Variants in RSU1 observed in about 807,000 individuals in gnomAD.
RSU1 encodes the protein rsu-1.
In RSU1, 26 loss-of-function variants were observed where a neutral mutation model predicts 31.1. The ratio of observed to expected loss-of-function variants is 0.84; its 90% confidence interval spans 0.61 to 1.16. RSU1 has a LOEUF of 1.16. Ranked by LOEUF, RSU1 falls within the 50% of genes most tolerant of loss-of-function variation. The pLI, the probability that RSU1 is intolerant of heterozygous loss-of-function variation, is 0.00. For missense variants in RSU1, 320 were observed against 339.1 expected, an observed-to-expected ratio of 0.94 and a Z score of 0.44; for synonymous variants, 164 against 136.3, an observed-to-expected ratio of 1.20 and a Z score of -1.41.
intron 8 of RSU1, among the ~76,000 whole-genome samples, chr10:16,685,705 T>C (rs574233074): frequency 6.6e-6 from 1 of 152,086 alleles, no homozygotes; most frequent in East Asian, 1.9e-4. Flanking sequence ...TTATGACCCG[T>C]ATTTTGTGCT....
chr10:16,648,665 C>T (rs1257325021), intron 8 of RSU1, among the ~76,000 whole-genome samples: 3 of 152,166 alleles, frequency 2.0e-5, no homozygotes, highest in African/African-American at 7.2e-5. Context: ...ATTCACTATT[C>T]TACTTGAAAG....
chr10:16,630,960 T>C (rs980068739), intron 8 of RSU1, among the ~76,000 whole-genome samples: 1 of 152,218 alleles, frequency 6.6e-6, no homozygotes, highest in South Asian at 2.1e-4. Flanking sequence ...TTGGGTAGAT[T>C]TCACTCAGAT....
At position 16,772,790 on chromosome 10, in the gene RSU1, A is replaced by G. The variant is rs1837449949; in HGVS notation, c.161-8280T>C. ...AATATATATGGATGTATATCTACACATAAGCCTCGATTATTAACATTACAA... is the reference window on the plus strand; with the variant it reads ...AATATATATGGATGTATATCTACACGTAAGCCTCGATTATTAACATTACAA... On this transcript the variant is annotated intron_variant, in intron 3 of 8. Coordinates refer to ENST00000345264, the MANE Select transcript of RSU1 (RefSeq NM_012425.4). 3.9e-5 allele frequency among the ~76,000 whole-genome samples: 6 copies of G among 152,184 alleles called. No individual in the cohort carries two copies. The South Asian group carries it at 1.2e-3, about 31-fold the overall frequency.
rs187471310 is a variant in RSU1 at position 16,663,404 on chromosome 10, C to T, written c.731+31619G>A. Among the ~76,000 whole-genome samples, 237 of 152,282 alleles carry T rather than the reference C, an allele frequency of 1.6e-3. 1 individual carries two copies. The highest frequency in any genetic ancestry group is 5.4e-3 in the African/African-American group (224 of 41,552). On this transcript the variant is annotated intron_variant, in intron 8 of 8. Coordinates refer to ENST00000345264, the MANE Select transcript of RSU1 (RefSeq NM_012425.4). ...ACTATTTAAGGTTGTAATTTGCTTA[C>T]TTGGGAGTCTACTTTCTTCAATTGA... is the stretch of plus-strand genomic sequence containing the variant.
chr10:16,652,765 C>T (rs1834709907), intron 8 of RSU1, among the ~76,000 whole-genome samples: 2 of 152,126 alleles, frequency 1.3e-5, no homozygotes. Flanking sequence ...TCACTGCAGC[C>T]TCAACCTCCA....
chr10:16,796,468 C>T (rs1838035767), intron 2 of RSU1, among the ~76,000 whole-genome samples: 1 of 152,170 alleles, frequency 6.6e-6, no homozygotes, highest in Admixed American at 6.5e-5. Flanking sequence ...CACCCACAAA[C>T]CCTCACCCTC....
intron 2 of RSU1, among the ~76,000 whole-genome samples, chr10:16,792,129 T>C (rs1256225825): frequency 1.3e-5 from 2 of 152,214 alleles, no homozygotes; most frequent in South Asian, 2.1e-4. Context: ...TGAAAGGTTC[T>C]GTAACGTTGG....
At chr10:16,777,627 T>C (rs1281853952) in intron 3 of RSU1, among the ~76,000 whole-genome samples, 1 of 152,204 alleles carries the variant, frequency 6.6e-6, no homozygotes, top group Non-Finnish European at 1.5e-5. Context: ...CAGTGACCTC[T>C]AGTGGACAAG....
At chr10:16,690,572 G>A (rs1236151268) in intron 8 of RSU1, among the ~76,000 whole-genome samples, 2 of 152,156 alleles carry the variant, frequency 1.3e-5, no homozygotes, top group African/African-American at 4.8e-5. Flanking sequence ...TCATCTCCAA[G>A]TATTTTAATT....
intron 7 of RSU1, among the ~76,000 whole-genome samples, chr10:16,730,458 G>A (rs1836485534): frequency 6.6e-6 from 1 of 152,118 alleles, no homozygotes; most frequent in Non-Finnish European, 1.5e-5. Flanking sequence ...CAGTGTCTTG[G>A]ACAACGGTCT....
intron 2 of RSU1, among the ~76,000 whole-genome samples, chr10:16,796,735 G>C (rs776742142): frequency 6.9e-6 from 1 of 143,944 alleles, no homozygotes; most frequent in Non-Finnish European, 1.5e-5. Context: ...TGCAGGAAAC[G>C]TGGAGGCAGC....
At chr10:16,705,252 TA>T (rs944433136) in intron 7 of RSU1, among the ~76,000 whole-genome samples, 2 of 152,198 alleles carry the variant, frequency 1.3e-5, no homozygotes, top group Non-Finnish European at 2.9e-5. Context: ...CATCTCTCAG[TA>T]TCCATGGGGG....
intron 8 of RSU1, among the ~76,000 whole-genome samples, chr10:16,637,746 T>A (rs1327254238): frequency 6.6e-6 from 1 of 151,468 alleles, no homozygotes; most frequent in East Asian, 1.9e-4. Context: ...ACATGACTAG[T>A]AAAGCCACTT....
intron 2 of RSU1, among the ~76,000 whole-genome samples, chr10:16,790,028 T>C (rs1837879389): frequency 6.6e-6 from 1 of 152,056 alleles, no homozygotes; most frequent in African/African-American, 2.4e-5. Context: ...GCAAAATCAA[T>C]GGGAGGGAAG....
rs372365101 is a variant in RSU1, at chr10:16,686,750, CAG to C, written c.731+8271_731+8272del. 2.3e-3 allele frequency among the ~76,000 whole-genome samples: 343 copies of C among 152,236 alleles called. 3 individuals carry two copies. Among genetic ancestry groups the C allele is most frequent in the African/African-American group, 7.8e-3 (326 of 41,542 alleles). On this transcript the variant is annotated intron_variant, in intron 8 of 8. Coordinates refer to ENST00000345264, the MANE Select transcript of RSU1 (RefSeq NM_012425.4). ...TGGAATAGGAGGAGAGAGACACACA[CAG>C]AGAGAGACTGAGATAGTTTTACTCT... is the stretch of plus-strand genomic sequence containing the variant.
chr10:16,781,962 A>C, intron 3 of RSU1, 72 bp downstream of exon 3: 1 of 1,270,954 alleles, frequency 7.9e-7, no homozygotes, highest in Non-Finnish European at 1.1e-6. Flanking sequence ...CCAAGGAAAC[A>C]GTAACAGACT....
chr10:16,797,820 C>T (rs528682382), intron 2 of RSU1, among the ~76,000 whole-genome samples: 1 of 147,666 alleles, frequency 6.8e-6, no homozygotes, highest in African/African-American at 2.5e-5. Context: ...ATACGTAATA[C>T]TTTACAAGAA....
intron 8 of RSU1, among the ~76,000 whole-genome samples, chr10:16,682,805 C>T (rs550728888): frequency 6.6e-6 from 1 of 152,030 alleles, no homozygotes; most frequent in Admixed American, 6.5e-5. Flanking sequence ...TTACACAGGA[C>T]CACACAGGTC....
chr10:16,627,807 C>T (rs572654337), intron 8 of RSU1, among the ~76,000 whole-genome samples: 1 of 150,454 alleles, frequency 6.6e-6, no homozygotes, highest in Non-Finnish European at 1.5e-5. Context: ...ATGGTACTGA[C>T]TGCGGAGTCC....
Sources: allele counts gnomAD v4.1 joint callset (sites outside exome capture counted in the v4.1 genomes callset), GRCh38; gene constraint gnomAD v4.1.1; transcripts MANE v1.5; gene names NCBI Gene and HGNC (gene_info 2026-07-23, HGNC 2026-07-21).